RRBP1: variants seen among roughly 807,000 people sequenced by gnomAD.
RRBP1 encodes ribosome-binding protein 1.
Under a neutral mutation model 165.2 loss-of-function variants are expected in RRBP1, and 94 were observed. The observed-to-expected ratio is 0.57, with a 90% CI of 0.48 to 0.68. The LOEUF (loss-of-function observed/expected upper bound fraction) is 0.68. Among genes scored for constraint, RRBP1 ranks in the 30% least tolerant of loss-of-function variants. The pLI is 0.00. For synonymous variants in RRBP1, 680 were observed against 714.5 expected, an observed-to-expected ratio of 0.95 and a Z score of 0.77; for missense variants, 1,676 against 1,763.0, an observed-to-expected ratio of 0.95 and a Z score of 0.88.
Position 17,627,589 on chromosome 20 carries a change from G to A in RRBP1, c.2843C>T (p.Ala948Val), listed in dbSNP as rs140804542. Residue 948 changes from alanine (A) to valine (V), a missense_variant, in exon 10 of 25, where the codon GCG (alanine) becomes GTG (valine). This residue lies in a region of RRBP1 where 1,184 missense variants were observed against 1,167.1 expected (regional missense o/e 1.01). Coordinates refer to ENST00000377813, the MANE Select transcript of RRBP1 (RefSeq NM_001365613.2). ...TCTCTCTGTGAGCTGGGAGTTCTCC[G>A]CCCTGGCCTCCTGGAGCTGCCCGTG... The part of the protein sequence containing the change: ...GLHGQLQEAR[A>V]ENSQLTERIR... The A allele has an allele frequency of 2.0e-5, 32 of 1,613,414 alleles. No individual in the cohort carries two copies. The highest frequency in any genetic ancestry group is 3.3e-5 in the Admixed American group (2 of 59,984).
chr20:17,615,412 C>A lies in RRBP1; in HGVS notation c.4050+19G>T. The A allele has an allele frequency of 1.3e-6, 2 of 1,593,322 alleles. No individual in the cohort carries two copies. The highest frequency in any genetic ancestry group is 2.3e-5 in the East Asian group (1 of 43,810). On this transcript the variant is annotated intron_variant, in intron 23 of 24. Coordinates refer to ENST00000377813, the MANE Select transcript of RRBP1 (RefSeq NM_001365613.2). Reference sequence around the variant, plus strand: ...GAGCAGACCCTCCAGGTGTGACCCCCGCCCCAGCCCCTGCCTGCCTTCAGC... The same window carrying A: ...GAGCAGACCCTCCAGGTGTGACCCCAGCCCCAGCCCCTGCCTGCCTTCAGC...
At chr20:17,653,358 G>A (rs1328693230) in intron 3 of RRBP1, among the ~76,000 whole-genome samples, 1 of 152,252 alleles carries the variant, frequency 6.6e-6, no homozygotes, top group Non-Finnish European at 1.5e-5. Flanking sequence ...CACGCCACCT[G>A]GCAGTGGCTT....
intron 5 of RRBP1, 80 bp downstream of exon 5, chr20:17,641,717 C>T: frequency 6.4e-7 from 1 of 1,556,534 alleles, no homozygotes; most frequent in Non-Finnish European, 8.8e-7. Flanking sequence ...ATCTCGGAGC[C>T]CGGGATCCAC....
At position 17,621,844 on chromosome 20, in the gene RRBP1, T is replaced by TCCC; in HGVS notation, c.3240+8_3240+10dup. 1 of 1,613,132 alleles carries TCCC rather than the reference T, an allele frequency of 6.2e-7. No homozygotes were observed. The highest frequency in any genetic ancestry group is 8.5e-7 in the Non-Finnish European group (1 of 1,179,452). ...ACTGTGAGGTCCCCGGGAACCACCCTCCCCTCCTACCTGTTGTGCCAAGAC... is the reference window on the plus strand; with the variant it reads ...ACTGTGAGGTCCCCGGGAACCACCCTCCCCCCCTCCTACCTGTTGTGCCAAGAC... On this transcript the variant is annotated intron_variant, in intron 14 of 24. Transcript: ENST00000377813.
Position 17,627,661 on chromosome 20 carries a change from G to A in RRBP1, c.2771C>T (p.Ser924Phe), listed in dbSNP as rs1358372236. ...QMAELHSKLQSSEAEVRSKCE... is the reference protein window; with the variant it reads ...QMAELHSKLQFSEAEVRSKCE... ...TTTGCTGCGCACCTCCGCCTCGGAG[G>A]ACTGTAACTTGCTGTGCAGCTCTGG... Residue 924 changes from serine to phenylalanine, a missense_variant, in exon 10 of 25, where the codon TCC becomes TTC. Physicochemically the swap from Ser to Phe is radical, Grantham distance 155. This residue lies in a region of RRBP1 where 1,184 missense variants were observed against 1,167.1 expected (regional missense o/e 1.01). Transcript: ENST00000377813. 2 of 1,608,424 alleles carry A rather than the reference G, an allele frequency of 1.2e-6. No homozygotes were observed. Among genetic ancestry groups the A allele is most frequent in the Non-Finnish European group, 1.7e-6 (2 of 1,177,090 alleles).
At chr20:17,656,949 G>A (rs6111596) in intron 3 of RRBP1, among the ~76,000 whole-genome samples, 3 of 152,148 alleles carry the variant, frequency 2.0e-5, no homozygotes. Flanking sequence ...TCCCTAACAA[G>A]GTTCTTTATT....
chr20:17,633,431 G>A (rs762036341), intron 8 of RRBP1, 29 bp downstream of exon 8: 1 of 1,603,958 alleles, frequency 6.2e-7, no homozygotes, highest in Middle Eastern at 1.7e-4. Flanking sequence ...AGTGAACAGG[G>A]CACTGAGGCG....
At chr20:17,645,222 G>A (rs188488816) in intron 3 of RRBP1, among the ~76,000 whole-genome samples, 12 of 152,304 alleles carry the variant, frequency 7.9e-5, no homozygotes, top group African/African-American at 2.6e-4. Flanking sequence ...CTAGGACGCC[G>A]CTTCCTGCAC....
At chr20:17,629,426 A>G (rs1165932829) in intron 9 of RRBP1, among the ~76,000 whole-genome samples, 1 of 152,160 alleles carries the variant, frequency 6.6e-6, no homozygotes, top group African/African-American at 2.4e-5. Context: ...CAGAACACAC[A>G]TTTAGCTGAG....
In RRBP1 at chr20:17,616,009, G is replaced by T; in HGVS notation, c.3868C>A (p.Leu1290Met). 6.2e-7 allele frequency: 1 copy of T among 1,604,948 alleles called. No individual in the cohort carries two copies. Residue 1290 changes from leucine to methionine, a missense_variant and splice_region_variant, in exon 22 of 25, where the codon CTG (leucine) becomes ATG (methionine). Physicochemically the swap from Leu to Met is conservative, Grantham distance 15. This residue lies in a region of RRBP1 where 1,184 missense variants were observed against 1,167.1 expected (regional missense o/e 1.01). Transcript: ENST00000377813. ...TCTGTCCACTCCAGCTGCGTCTTCA[G>T]CTGTGCAAACACCGCAAACATAACC... ...APPAEQDPVQLKTQLEWTEAI... is the reference protein window; with the variant it reads ...APPAEQDPVQMKTQLEWTEAI...
At chr20:17,652,799 T>C in intron 3 of RRBP1, among the ~76,000 whole-genome samples, 1 of 152,110 alleles carries the variant, frequency 6.6e-6, no homozygotes, top group Non-Finnish European at 1.5e-5. Context: ...GTCTAACGTG[T>C]CTCATCCGGG....
At chr20:17,614,920 G>A (rs200450801) in intron 23 of RRBP1, 40 bp from the exon 24 acceptor site, 11 of 1,605,228 alleles carry the variant, frequency 6.9e-6, no homozygotes, top group South Asian at 3.3e-5. Flanking sequence ...CCCTTGCACC[G>A]GCAGGAGGGC....
At position 17,621,717 on chromosome 20, in the gene RRBP1, G is replaced by A. The variant is rs1028784177; in HGVS notation, c.3297C>T (p.His1099=). 1 of 1,613,788 alleles carries A rather than the reference G, an allele frequency of 6.2e-7. No individual in the cohort carries two copies. The highest frequency in any genetic ancestry group is 8.5e-7 in the Non-Finnish European group (1 of 1,180,006). The stretch of plus-strand genomic sequence containing the variant: ...AGGAGGGCTCCGCGGGAGCTGGCGG[G>A]TGCTTCAGCAGCGTGGGGCCTTTCT... The part of the protein sequence containing the change: ...LKEKGPTLLK[H]PPAPAEPSSD... The change falls in exon 15 of 25, where the codon CAC becomes CAT. Residue 1099 remains histidine, a synonymous_variant. Transcript: ENST00000377813.
At chr20:17,623,792 C>T (rs902815536) in intron 13 of RRBP1, among the ~76,000 whole-genome samples, 2 of 152,088 alleles carry the variant, frequency 1.3e-5, no homozygotes, top group East Asian at 1.9e-4. Flanking sequence ...CTTAGCCGGG[C>T]GTGGTGGTGC....
intron 8 of RRBP1, among the ~76,000 whole-genome samples, chr20:17,632,605 G>GC (rs1041677490): frequency 3.9e-4 from 59 of 152,288 alleles, no homozygotes; most frequent in Middle Eastern, 3.4e-3. Flanking sequence ...CAGCACTAAT[G>GC]CCCCCACGCA....
At chr20:17,616,880 C>A in intron 20 of RRBP1, 41 bp from the exon 21 acceptor site, 1 of 1,455,088 alleles carries the variant, frequency 6.9e-7, no homozygotes, top group Non-Finnish European at 9.6e-7. Context: ...CACAGCCAGT[C>A]GCACACCCAC....
At chr20:17,630,035 G>A in intron 8 of RRBP1, 74 bp from the exon 9 acceptor site, 21 of 1,487,754 alleles carry the variant, frequency 1.4e-5, no homozygotes, top group South Asian at 3.7e-5. Context: ...CGGTGGAGGC[G>A]GACAGAGCTC....
intron 2 of RRBP1, among the ~76,000 whole-genome samples, chr20:17,661,787 G>C (rs1291681282): frequency 6.6e-6 from 1 of 152,164 alleles, no homozygotes; most frequent in Non-Finnish European, 1.5e-5. Flanking sequence ...CTGGGTCCAG[G>C]CTGCTTAGTG....
chr20:17,632,385 T>C (rs1013534128), intron 8 of RRBP1, among the ~76,000 whole-genome samples: 12 of 152,152 alleles, frequency 7.9e-5, no homozygotes, highest in African/African-American at 2.7e-4. Context: ...TCCAGGAGCC[T>C]TTAAAACACA....
Sources: gnomAD v4.1 joint callset for allele counts (sites outside exome capture counted in the v4.1 genomes callset) on GRCh38, gnomAD v4.1.1 for gene constraint, gnomAD v4.1.1 regional missense constraint, MANE v1.5 for transcripts, NCBI Gene and HGNC (gene_info 2026-07-23, HGNC 2026-07-21) for gene names.